The following LINGO2 variants were observed in gnomAD, a reference collection of about 807,000 sequenced individuals.
The protein encoded by LINGO2 is leucine-rich repeat and immunoglobulin-like domain-containing nogo receptor-interacting protein 2.
Under a neutral mutation model 30.6 loss-of-function variants are expected in LINGO2, and 14 were observed. That is an observed-to-expected ratio of 0.46 (90% CI 0.30 to 0.72). LINGO2 has a LOEUF of 0.72. Among genes scored for constraint, LINGO2 ranks in the 30% least tolerant of loss-of-function variants. LINGO2 has a pLI of 0.07. For synonymous variants in LINGO2, 317 were observed against 288.5 expected, an observed-to-expected ratio of 1.10 and a Z score of -1.00; for missense variants, 729 against 751.7, an observed-to-expected ratio of 0.97 and a Z score of 0.35.
At chr9:28,894,960 A>G in the LINGO2 span, among the ~76,000 whole-genome samples, 2 of 152,076 alleles carry the variant, frequency 1.3e-5, no homozygotes, top group African/African-American at 4.8e-5. Context: ...ATTCCTCCTA[A>G]CTGAAATTTT....
At chr9:28,858,505 C>T in the LINGO2 span, among the ~76,000 whole-genome samples, 1 of 151,936 alleles carries the variant, frequency 6.6e-6, no homozygotes, top group Non-Finnish European at 1.5e-5. Context: ...AATATCATAC[C>T]TGCTTTGTTT....
the LINGO2 span, among the ~76,000 whole-genome samples, chr9:28,691,896 A>G: frequency 6.6e-6 from 1 of 152,148 alleles, no homozygotes; most frequent in African/African-American, 2.4e-5. Context: ...CATATAATGA[A>G]GTTATTAACT....
At chr9:27,971,677 C>T (rs976226438) in intron 5 of LINGO2, among the ~76,000 whole-genome samples, 17 of 152,160 alleles carry the variant, frequency 1.1e-4, no homozygotes, top group African/African-American at 3.1e-4. Context: ...ACATGAGCCA[C>T]GGCGCCCGGC....
chr9:29,049,440 C>A, the LINGO2 span, among the ~76,000 whole-genome samples: 2 of 152,108 alleles, frequency 1.3e-5, no homozygotes, highest in Non-Finnish European at 2.9e-5. Context: ...TCCAACAATC[C>A]CACTGCTGGG....
At chr9:28,474,876 T>C (rs1419047738) in intron 2 of LINGO2, among the ~76,000 whole-genome samples, 1 of 152,210 alleles carries the variant, frequency 6.6e-6, no homozygotes, top group Non-Finnish European at 1.5e-5. Flanking sequence ...AAAAATGTTA[T>C]ATAAATGAGG....
the LINGO2 span, among the ~76,000 whole-genome samples, chr9:28,790,413 C>T: frequency 3.4e-5 from 5 of 146,508 alleles, no homozygotes; most frequent in Middle Eastern, 3.7e-3. Flanking sequence ...ACTGAAAGCT[C>T]CGCCTCCCGG....
the LINGO2 span, among the ~76,000 whole-genome samples, chr9:28,716,716 C>A: frequency 3.3e-5 from 5 of 151,954 alleles, no homozygotes; most frequent in African/African-American, 9.7e-5. Flanking sequence ...AGATAGGTAG[C>A]TAGACAATTC....
At chr9:29,011,540 G>T in the LINGO2 span, among the ~76,000 whole-genome samples, 6,237 of 152,216 alleles carry the variant, frequency 0.041, 197 homozygotes, top group Admixed American at 0.082. Flanking sequence ...GAAAGCAATG[G>T]TCATCTTTTA....
intron 4 of LINGO2, among the ~76,000 whole-genome samples, chr9:28,236,853 A>T (rs1044802176): frequency 6.6e-6 from 1 of 152,142 alleles, no homozygotes; most frequent in Admixed American, 6.6e-5. Flanking sequence ...TATAGTCAAT[A>T]ATAATTTAAT....
the LINGO2 span, among the ~76,000 whole-genome samples, chr9:28,862,673 T>C: frequency 6.6e-6 from 1 of 152,136 alleles, no homozygotes; most frequent in Non-Finnish European, 1.5e-5. Flanking sequence ...CACTGTCACT[T>C]AGGTGTCCAG....
the LINGO2 span, among the ~76,000 whole-genome samples, chr9:29,103,855 G>A: frequency 2.1e-3 from 324 of 152,186 alleles, no homozygotes; most frequent in African/African-American, 7.5e-3. Flanking sequence ...AGAGGCAGAG[G>A]GAAGAAAATT....
At chr9:28,694,073 G>A in the LINGO2 span, among the ~76,000 whole-genome samples, 1 of 151,326 alleles carries the variant, frequency 6.6e-6, no homozygotes, top group African/African-American at 2.4e-5. Flanking sequence ...TAACTTCTGC[G>A]GTCCAGTTAA....
At chr9:28,884,630 A>G in the LINGO2 span, among the ~76,000 whole-genome samples, 1 of 150,374 alleles carries the variant, frequency 6.7e-6, no homozygotes. Flanking sequence ...AAGTTTATAC[A>G]TAAGTAAGTC....
intron 4 of LINGO2, among the ~76,000 whole-genome samples, chr9:28,258,590 A>G (rs556414969): frequency 6.6e-6 from 1 of 152,094 alleles, no homozygotes; most frequent in East Asian, 1.9e-4. Context: ...GCCTCATTAA[A>G]AAATACCTTT....
intron 1 of LINGO2, among the ~76,000 whole-genome samples, chr9:28,634,101 C>T (rs536551068): frequency 6.6e-6 from 1 of 152,216 alleles, no homozygotes; most frequent in Admixed American, 6.6e-5. Flanking sequence ...TAAATAAAAG[C>T]AAATGTACAA....
intron 3 of LINGO2, among the ~76,000 whole-genome samples, chr9:28,302,705 A>G (rs1408315266): frequency 6.6e-6 from 1 of 152,188 alleles, no homozygotes; most frequent in African/African-American, 2.4e-5. Flanking sequence ...CAGCAGGGTG[A>G]TGGTAGTAGG....
At chr9:29,163,113 T>C in the LINGO2 span, among the ~76,000 whole-genome samples, 791 of 152,252 alleles carry the variant, frequency 5.2e-3, 6 homozygotes, top group African/African-American at 0.018. Context: ...TTTTAATATA[T>C]CTTGAAGTCA....
the LINGO2 span, among the ~76,000 whole-genome samples, chr9:28,769,502 ATATATATATATATATATTTTTTTT>A: frequency 1.3e-3 from 6 of 4,590 alleles, no homozygotes; most frequent in African/African-American, 5.1e-3. Flanking sequence ...ATATATATAT[ATATATATATATATATATTTTTTTT>A]TTTTTTTTTT....
intron 3 of LINGO2, among the ~76,000 whole-genome samples, chr9:28,354,569 C>A (rs1463495021): frequency 2.0e-5 from 3 of 152,118 alleles, no homozygotes; most frequent in South Asian, 4.1e-4. Context: ...AATTCATGCT[C>A]AAGAAACATG....
Sources: gnomAD v4.1 joint callset for allele counts (sites outside exome capture counted in the v4.1 genomes callset) on GRCh38, gnomAD v4.1.1 for gene constraint, MANE v1.5 for transcripts, NCBI Gene and HGNC (gene_info 2026-07-23, HGNC 2026-07-21) for gene names.